Variants in SLC1A3 observed in about 807,000 individuals in gnomAD.
SLC1A3 encodes the protein excitatory amino acid transporter 1.
SLC1A3 carries 21 observed loss-of-function variants against 48.1 expected under a neutral mutation model. That is an observed-to-expected ratio of 0.44 (90% CI 0.31 to 0.63). The LOEUF is 0.63. SLC1A3 is among the 20% of genes least tolerant of loss of function. The pLI is 0.08. For missense variants in SLC1A3, 546 were observed against 689.0 expected, an observed-to-expected ratio of 0.79 and a Z score of 2.32; for synonymous variants, 239 against 251.4, an observed-to-expected ratio of 0.95 and a Z score of 0.47.
In SLC1A3 at chr5:36,671,137, T is replaced by A; in HGVS notation, c.428T>A (p.Ile143Asn). The stretch of plus-strand genomic sequence containing the variant: ...GTGGTGATTGGCATAATCATTGTCA[T>A]CATCATCCATCCTGGGAAGGGCACA... ...IAVVIGIIIV[I>N]IIHPGKGTKE... The change falls in exon 4 of 10, where the codon ATC becomes AAC. Residue 143 changes from isoleucine (I) to asparagine (N), a missense_variant. Physicochemically the swap from Ile to Asn is moderately radical, Grantham distance 149 (BLOSUM62 -3). Coordinates refer to ENST00000265113, the MANE Select transcript of SLC1A3 (RefSeq NM_004172.5). 1 of 1,613,858 alleles carries A rather than the reference T, an allele frequency of 6.2e-7. No homozygotes were observed. The highest frequency in any genetic ancestry group is 1.3e-5 in the African/African-American group (1 of 75,010).
chr5:36,672,547 C>G (rs1742039877), intron 4 of SLC1A3, among the ~76,000 whole-genome samples: 3 of 152,182 alleles, frequency 2.0e-5, no homozygotes, highest in Admixed American at 1.3e-4. Flanking sequence ...CTAAAGGGCC[C>G]ATTCCCCATT....
intron 2 of SLC1A3, among the ~76,000 whole-genome samples, chr5:36,612,067 G>GCGCACACACACACACA (rs372266079): frequency 2.8e-5 from 4 of 144,450 alleles, no homozygotes; most frequent in Non-Finnish European, 6.2e-5. Flanking sequence ...CTTGGCGCAC[G>GCGCACACACACACACA]CGCACACACA....
intron 3 of SLC1A3, among the ~76,000 whole-genome samples, chr5:36,667,266 C>T (rs1741789131): frequency 6.6e-6 from 1 of 152,160 alleles, no homozygotes; most frequent in African/African-American, 2.4e-5. Flanking sequence ...CTTCTGGTGA[C>T]CAGTGTTAAT....
chr5:36,667,724 A>G (rs1034050565), intron 3 of SLC1A3: 2 of 152,214 alleles, frequency 1.3e-5, no homozygotes, highest in African/African-American at 2.4e-5. Context: ...AATGTACAAA[A>G]CACACACACA....
At chr5:36,626,696 T>G (rs1446423504) in intron 2 of SLC1A3, among the ~76,000 whole-genome samples, 3 of 152,252 alleles carry the variant, frequency 2.0e-5, no homozygotes, top group African/African-American at 7.2e-5. Context: ...GTTTGTTTAT[T>G]TATATGTGAT....
chr5:36,628,507 T>A (rs545597159), intron 2 of SLC1A3, among the ~76,000 whole-genome samples: 1 of 152,302 alleles, frequency 6.6e-6, no homozygotes, highest in South Asian at 2.1e-4. Context: ...AAAAATGGAA[T>A]CACATGTTTC....
At chr5:36,668,828 T>C (rs543864769) in intron 3 of SLC1A3, 2 of 152,316 alleles carry the variant, frequency 1.3e-5, no homozygotes, top group African/African-American at 4.8e-5. Context: ...GCCGTGGGTA[T>C]TGGGATAACT....
At chr5:36,660,661 T>C (rs1456305868) in intron 3 of SLC1A3, among the ~76,000 whole-genome samples, 1 of 152,266 alleles carries the variant, frequency 6.6e-6, no homozygotes, top group Non-Finnish European at 1.5e-5. Context: ...GTTTTCACTC[T>C]ATGCAGTAAC....
At chr5:36,678,526 C>T (rs1246671434) in intron 6 of SLC1A3, among the ~76,000 whole-genome samples, 2 of 152,208 alleles carry the variant, frequency 1.3e-5, no homozygotes, top group Non-Finnish European at 2.9e-5. Context: ...CCTATGATTT[C>T]CTGGCCTGGG....
chr5:36,667,704 G>C (rs1259296677), intron 3 of SLC1A3: 1 of 152,136 alleles, frequency 6.6e-6, no homozygotes, highest in African/African-American at 2.4e-5. Flanking sequence ...CCACATAAAA[G>C]TTAACTCAAA....
intron 3 of SLC1A3, among the ~76,000 whole-genome samples, chr5:36,651,201 T>C (rs1741055175): frequency 6.8e-6 from 1 of 148,062 alleles, no homozygotes; most frequent in Admixed American, 6.7e-5. Flanking sequence ...ACTAGTAACT[T>C]GGCCCCTCCT....
At chr5:36,672,097 C>T (rs1742020245) in intron 4 of SLC1A3, among the ~76,000 whole-genome samples, 1 of 152,188 alleles carries the variant, frequency 6.6e-6, no homozygotes, top group African/African-American at 2.4e-5. Flanking sequence ...TGTTAACACC[C>T]TTAGCTATGA....
intron 9 of SLC1A3, among the ~76,000 whole-genome samples, chr5:36,684,747 C>A (rs1328922495): frequency 6.6e-6 from 1 of 152,176 alleles, no homozygotes; most frequent in Non-Finnish European, 1.5e-5. Flanking sequence ...TGACAGTGTG[C>A]GTGAAACCCC....
In SLC1A3 at chr5:36,679,705, G is replaced by A; in HGVS notation, c.939G>A (p.Gln313=). ...AAGACATGGGTGTGATTGGGGGGCAGCTTGCCATGTACACCGTGACTGTCA... is the reference window on the plus strand; with the variant it reads ...AAGACATGGGTGTGATTGGGGGGCAACTTGCCATGTACACCGTGACTGTCA... The part of the protein sequence containing the change: ...EMEDMGVIGG[Q]LAMYTVTVIV... The change falls in exon 7 of 10, where the codon CAG becomes CAA. Residue 313 remains glutamine, a synonymous_variant. Transcript: ENST00000265113. 1 of 1,614,166 alleles carries A rather than the reference G, an allele frequency of 6.2e-7. No homozygotes were observed. The highest frequency in any genetic ancestry group is 8.5e-7 in the Non-Finnish European group (1 of 1,180,004).
chr5:36,601,404 A>G (rs1010885097), intron 1 of SLC1A3, among the ~76,000 whole-genome samples: 1 of 152,244 alleles, frequency 6.6e-6, no homozygotes, highest in Non-Finnish European at 1.5e-5. Flanking sequence ...TTGGCATGAC[A>G]TGATTTAGAA....
At chr5:36,670,303 C>T (rs1044815699) in intron 3 of SLC1A3, among the ~76,000 whole-genome samples, 4 of 152,090 alleles carry the variant, frequency 2.6e-5, no homozygotes, top group Admixed American at 6.6e-5. Flanking sequence ...GCATCTCAGA[C>T]CTGTGGGACA....
intron 3 of SLC1A3, among the ~76,000 whole-genome samples, chr5:36,655,172 T>A (rs952488706): frequency 1.3e-5 from 2 of 152,230 alleles, no homozygotes; most frequent in Admixed American, 6.5e-5. Context: ...CATTGGCTAA[T>A]GTCAGTGACT....
In SLC1A3 at chr5:36,686,145, T is replaced by C; in HGVS notation, c.1505T>C (p.Leu502Pro). Residue 502 changes from leucine to proline, a missense_variant, in exon 10 of 10, where the codon CTG becomes CCG. Leu to Pro is a moderately conservative substitution (Grantham distance 98, BLOSUM62 -3). Coordinates refer to ENST00000265113, the MANE Select transcript of SLC1A3 (RefSeq NM_004172.5). ...GTGGAGCACTTGTCACGACATGAAC[T>C]GAAGAACAGAGATGTTGAAATGGGT... ...GIVEHLSRHE[L>P]KNRDVEMGNS... 2 of 1,614,080 alleles carry C rather than the reference T, an allele frequency of 1.2e-6. No individual in the cohort carries two copies. The highest frequency in any genetic ancestry group is 1.7e-6 in the Non-Finnish European group (2 of 1,179,960).
At chr5:36,667,053 A>T (rs759427509) in intron 3 of SLC1A3, among the ~76,000 whole-genome samples, 2 of 152,218 alleles carry the variant, frequency 1.3e-5, no homozygotes, top group Non-Finnish European at 2.9e-5. Context: ...CTCATTGTTG[A>T]ACAGAAATAG....
Sources: gnomAD v4.1 joint callset for allele counts (sites outside exome capture counted in the v4.1 genomes callset) on GRCh38, gnomAD v4.1.1 for gene constraint, MANE v1.5 for transcripts, NCBI Gene and HGNC (gene_info 2026-07-23, HGNC 2026-07-21) for gene names.